The following UBE2K variants were observed in gnomAD, a reference collection of about 807,000 sequenced individuals.
UBE2K encodes ubiquitin conjugating enzyme E2 K.
Under a neutral mutation model 30.0 loss-of-function variants are expected in UBE2K, and 6 were observed. The observed-to-expected ratio is 0.20, with a 90% CI of 0.11 to 0.39. The LOEUF (loss-of-function observed/expected upper bound fraction) is 0.39. Ranked by LOEUF, UBE2K falls within the 10% of genes least tolerant of loss-of-function variation. UBE2K has a pLI of 1.00. For missense variants in UBE2K, 61 were observed against 241.6 expected (o/e 0.25, Z 4.96); for synonymous variants, 86 against 83.7 (o/e 1.03, Z -0.15).
chr4:39,770,337 T>C, intron 4 of UBE2K: 5 of 1,613,360 alleles, frequency 3.1e-6, no homozygotes, highest in Non-Finnish European at 4.2e-6. Context: ...CCTGTGGTGG[T>C]TGAGGTTGTT....
intron 1 of UBE2K, among the ~76,000 whole-genome samples, chr4:39,703,445 C>G (rs1430465326): frequency 6.6e-6 from 1 of 152,030 alleles, no homozygotes; most frequent in Non-Finnish European, 1.5e-5. Context: ...CCCATGAGGT[C>G]AAGGCTGCAG....
At chr4:39,745,866 T>G (rs1720960451) in intron 3 of UBE2K, 56 bp downstream of exon 3, 1 of 1,299,450 alleles carries the variant, frequency 7.7e-7, no homozygotes, top group African/African-American at 1.5e-5. Context: ...ATTTCTGACC[T>G]CATTTTATTA....
intron 4 of UBE2K, chr4:39,770,993 C>G: frequency 6.2e-7 from 1 of 1,607,106 alleles, no homozygotes. Flanking sequence ...GACTTGTTGG[C>G]GCTGACGCTG....
At position 39,745,105 on chromosome 4, in the gene UBE2K, GTCC is replaced by G. The variant is rs1289352705; in HGVS notation, c.158-643_158-641del. Among the ~76,000 whole-genome samples, 3 of 152,038 alleles carry G rather than the reference GTCC, an allele frequency of 2.0e-5. No homozygotes were observed. The East Asian group carries it at 5.8e-4, about 29-fold the overall frequency. On this transcript the variant is annotated intron_variant, in intron 2 of 6. Transcript: ENST00000261427. ...CAAACTCCTGGCCTAGCTTTAAGCA[GTCC>G]TCCCACCTCGGCCTCCCAAAGTGTT... is the stretch of plus-strand genomic sequence containing the variant.
At chr4:39,717,861 G>A (rs894932395) in intron 1 of UBE2K, among the ~76,000 whole-genome samples, 3 of 147,410 alleles carry the variant, frequency 2.0e-5, no homozygotes, top group African/African-American at 8.1e-5. Context: ...GACCTTCGCG[G>A]TGAGTGTTAC....
In UBE2K at chr4:39,779,907, G is replaced by T. The variant is rs1472978200; in HGVS notation, c.*1473G>T. 1 of 152,068 alleles carries T rather than the reference G, an allele frequency of 6.6e-6. No individual in the cohort carries two copies. Among genetic ancestry groups the T allele is most frequent in the African/African-American group, 2.4e-5 (1 of 41,426 alleles). 9.4% of individuals were successfully genotyped at this position (152,068 alleles called of 1,614,324 possible). On this transcript the variant is annotated 3_prime_UTR_variant, in exon 7 of 7. Transcript: ENST00000261427. ...AATTATAATCGTTAAATGTTTGGAA[G>T]ATAATTTTTGAATCATAACGTCAGC...
chr4:39,781,994 A>G lies in UBE2K; in HGVS notation c.*3560A>G, dbSNP rs918648071. ...TTCTTCAGTGTCTACATATTATGTC[A>G]CACGTTCTATTTGCACTGCTGCAAT... On this transcript the variant is annotated 3_prime_UTR_variant, in exon 7 of 7. Coordinates refer to ENST00000261427, the MANE Select transcript of UBE2K (RefSeq NM_005339.5). 12 of 398,284 alleles carry G rather than the reference A, an allele frequency of 3.0e-5. No homozygotes were observed. Among genetic ancestry groups the G allele is most frequent in the Non-Finnish European group, 1.8e-5 (4 of 225,896 alleles). The allele number at this position is 398,284 out of a possible 1,614,324, so 24.7% of individuals were successfully genotyped here.
At chr4:39,708,063 AT>A (rs1288506883) in intron 1 of UBE2K, among the ~76,000 whole-genome samples, 1 of 151,636 alleles carries the variant, frequency 6.6e-6, no homozygotes, top group Admixed American at 6.6e-5. Flanking sequence ...CGCTCAGCTA[AT>A]TTTGTATTTT....
intron 3 of UBE2K, among the ~76,000 whole-genome samples, chr4:39,753,501 G>A (rs1329078650): frequency 6.6e-6 from 1 of 152,174 alleles, no homozygotes; most frequent in Non-Finnish European, 1.5e-5. Context: ...TACATCTGGA[G>A]ATGCTTTATT....
chr4:39,701,231 G>A (rs1717991688), intron 1 of UBE2K, among the ~76,000 whole-genome samples: 1 of 152,064 alleles, frequency 6.6e-6, no homozygotes, highest in Admixed American at 6.6e-5. Context: ...ATATTCCAAA[G>A]TTGTTAGGCA....
chr4:39,706,390 G>A (rs941652055), intron 1 of UBE2K, among the ~76,000 whole-genome samples: 1 of 149,226 alleles, frequency 6.7e-6, no homozygotes, highest in African/African-American at 2.5e-5. Context: ...TCTTAAACTC[G>A]CGGCCTCAGA....
At chr4:39,730,200 T>A (rs1422190348) in intron 1 of UBE2K, among the ~76,000 whole-genome samples, 1 of 152,142 alleles carries the variant, frequency 6.6e-6, no homozygotes, top group Non-Finnish European at 1.5e-5. Context: ...CTTTTTTTTT[T>A]AAGAGATGGA....
At chr4:39,745,567 G>A (rs1720946929) in intron 2 of UBE2K, among the ~76,000 whole-genome samples, 185 bp from the exon 3 acceptor site, 1 of 152,064 alleles carries the variant, frequency 6.6e-6, no homozygotes, top group South Asian at 2.1e-4. Context: ...TGGATATTCT[G>A]TATGCTTTAA....
At chr4:39,744,601 A>G (rs1441198762) in intron 2 of UBE2K, among the ~76,000 whole-genome samples, 1 of 152,014 alleles carries the variant, frequency 6.6e-6, no homozygotes, top group Non-Finnish European at 1.5e-5. Flanking sequence ...TGCATTTTAT[A>G]TACCCATTTA....
At chr4:39,713,548 C>CTT (rs35078805) in intron 1 of UBE2K, among the ~76,000 whole-genome samples, 41 of 150,742 alleles carry the variant, frequency 2.7e-4, no homozygotes, top group Non-Finnish European at 4.0e-4. Context: ...TCTTTTTATG[C>CTT]TTTTTTTTAA....
At chr4:39,728,778 A>G (rs1257812120) in intron 1 of UBE2K, among the ~76,000 whole-genome samples, 1 of 149,226 alleles carries the variant, frequency 6.7e-6, no homozygotes, top group Non-Finnish European at 1.5e-5. Flanking sequence ...AGCTGGGACT[A>G]TAGGCGCCCG....
chr4:39,757,021 TTTTGTTTTTTG>T lies in UBE2K; in HGVS notation c.299+1286_299+1296del, dbSNP rs1721567229. Among the ~76,000 whole-genome samples the T allele has an allele frequency of 5.1e-5, 5 of 98,344 alleles. 1 individual carries two copies. The highest frequency in any genetic ancestry group is 8.9e-5 in the African/African-American group (2 of 22,476). The allele number at this position is 98,344 out of a possible 152,430, so 64.5% of individuals were successfully genotyped here. A position where few individuals can be genotyped will look rare whatever the true frequency, so the allele number is the denominator to read the frequency against. On this transcript the variant is annotated intron_variant, in intron 4 of 6. Coordinates refer to ENST00000261427, the MANE Select transcript of UBE2K (RefSeq NM_005339.5). ...GGGTGTTTTTTTTTTGTTTTTTGTT[TTTTGTTTTTTG>T]TTTTTTTTTTGAGACAGAGTTTCAC... is the stretch of plus-strand genomic sequence containing the variant.
intron 1 of UBE2K, among the ~76,000 whole-genome samples, chr4:39,735,849 C>G (rs1560357066): frequency 6.6e-6 from 1 of 151,782 alleles, no homozygotes; most frequent in Admixed American, 6.6e-5. Context: ...AAAAAAAGTA[C>G]TAATTAGAAA....
At position 39,724,329 on chromosome 4, in the gene UBE2K, C is replaced by A. The variant is rs76404399; in HGVS notation, c.64-13091C>A. On this transcript the variant is annotated intron_variant, in intron 1 of 6. Transcript: ENST00000261427. ...TTTGCTGTGTTGACTAGGCTAGTCTCAAACTCCTGGGTGAATCCTCCTGCC... is the reference window on the plus strand; with the variant it reads ...TTTGCTGTGTTGACTAGGCTAGTCTAAAACTCCTGGGTGAATCCTCCTGCC... Among the ~76,000 whole-genome samples, 894 of 151,688 alleles carry A rather than the reference C, an allele frequency of 5.9e-3. 7 individuals are homozygous for A. The highest frequency in any genetic ancestry group is 0.021 in the African/African-American group (849 of 41,384).
Sources: allele counts gnomAD v4.1 joint callset (sites outside exome capture counted in the v4.1 genomes callset), GRCh38; gene constraint gnomAD v4.1.1; transcripts MANE v1.5; gene names NCBI Gene and HGNC (gene_info 2026-07-23, HGNC 2026-07-21).